RELN: variants seen among roughly 807,000 people sequenced by gnomAD.
RELN encodes reelin.
Under a neutral mutation model 427.6 loss-of-function variants are expected in RELN, and 108 were observed. The observed-to-expected ratio is 0.25, with a 90% CI of 0.22 to 0.30. The LOEUF (loss-of-function observed/expected upper bound fraction) is 0.30. RELN is among the 10% of genes least tolerant of loss of function. The pLI is 1.00. For synonymous variants in RELN, 1,524 were observed against 1,513.4 expected (o/e 1.01, Z -0.16); for missense variants, 3,715 against 4,302.8 (o/e 0.86, Z 3.82).
intron 3 of RELN, among the ~76,000 whole-genome samples, chr7:103,808,624 A>G (rs1166728978): frequency 6.6e-6 from 1 of 152,052 alleles, no homozygotes; most frequent in East Asian, 1.9e-4. Flanking sequence ...AGAAGTTAAA[A>G]TATTTCTATG....
intron 1 of RELN, among the ~76,000 whole-genome samples, chr7:103,942,304 G>A (rs1382842875): frequency 2.6e-5 from 4 of 152,138 alleles, no homozygotes; most frequent in East Asian, 1.9e-4. Flanking sequence ...CACCCTCCCC[G>A]ACAATCCCTT....
intron 4 of RELN, among the ~76,000 whole-genome samples, chr7:103,761,421 A>G (rs1367805110): frequency 6.6e-6 from 1 of 152,168 alleles, no homozygotes; most frequent in African/African-American, 2.4e-5. Context: ...ATGCAAAACA[A>G]TATCATTTGA....
In RELN at chr7:103,773,425, C is replaced by CG. The variant is rs1791652364; in HGVS notation, c.544+3131_544+3132insC. 7.1e-5 allele frequency among the ~76,000 whole-genome samples: 6 copies of CG among 84,998 alleles called. 1 individual carries two copies. The highest frequency in any genetic ancestry group is 6.6e-5 in the Non-Finnish European group (3 of 45,314). 55.8% of individuals were successfully genotyped at this position (84,998 alleles called of 152,430 possible). A position where few individuals can be genotyped will look rare whatever the true frequency, so the allele number is the denominator to read the frequency against. On this transcript the variant is annotated intron_variant, in intron 4 of 64. Transcript: ENST00000428762. ...TGTCTCTCTCTCTCTCTCCCTCGCT[C>CG]CCTCTCTCTCTCTCTCTCTCCCTCG...
chr7:103,770,204 C>T (rs754151826), intron 4 of RELN, among the ~76,000 whole-genome samples: 3 of 152,136 alleles, frequency 2.0e-5, no homozygotes, highest in African/African-American at 4.8e-5. Flanking sequence ...CCTGCCTCAG[C>T]GTCCTGAATA....
chr7:103,883,386 CCTCT>C (rs1433350634), intron 2 of RELN, among the ~76,000 whole-genome samples: 1 of 152,160 alleles, frequency 6.6e-6, no homozygotes, highest in Non-Finnish European at 1.5e-5. Flanking sequence ...ACAAGGATGC[CCTCT>C]CTCACCACTC....
intron 21 of RELN, 56 bp downstream of exon 21, chr7:103,611,555 T>G (rs995653376): frequency 1.1e-5 from 15 of 1,339,244 alleles, no homozygotes; most frequent in Admixed American, 2.0e-5. Flanking sequence ...TTTTTTGGCT[T>G]CCTAGGTAAA....
chr7:103,785,344 G>A (rs1305347205), intron 3 of RELN, among the ~76,000 whole-genome samples: 1 of 152,122 alleles, frequency 6.6e-6, no homozygotes, highest in Non-Finnish European at 1.5e-5. Context: ...AAAATGGCAT[G>A]TCAATTCCAA....
chr7:103,491,838 TC>T (rs1828665580), intron 58 of RELN, 114 bp downstream of exon 58: 1 of 603,554 alleles, frequency 1.7e-6, no homozygotes, highest in African/African-American at 2.6e-5. Context: ...TCTCTCTCTC[TC>T]TCTCTCTCTC....
At chr7:103,884,676 GA>G (rs2116571510) in intron 2 of RELN, among the ~76,000 whole-genome samples, 1 of 152,210 alleles carries the variant, frequency 6.6e-6, no homozygotes, top group Non-Finnish European at 1.5e-5. Flanking sequence ...ACAAAAATAT[GA>G]AAAAAAGCTC....
At chr7:103,473,674 A>C (rs564019059) in intron 64 of RELN, among the ~76,000 whole-genome samples, 12 of 152,332 alleles carry the variant, frequency 7.9e-5, no homozygotes, top group African/African-American at 2.9e-4. Context: ...AAAATACTGA[A>C]GATGGATTTC....
At chr7:103,952,175 C>A (rs1006673989) in intron 1 of RELN, among the ~76,000 whole-genome samples, 2 of 152,082 alleles carry the variant, frequency 1.3e-5, no homozygotes, top group African/African-American at 4.8e-5. Context: ...TGCTGTCATT[C>A]CATTTTGTTT....
intron 4 of RELN, among the ~76,000 whole-genome samples, chr7:103,773,458 CCTCT>C (rs767597344): frequency 8.4e-4 from 102 of 120,830 alleles, no homozygotes; most frequent in African/African-American, 2.2e-3. Flanking sequence ...TCGCTCCCTC[CCTCT>C]CTCTCTCTCT....
rs1195522074 is a variant in RELN, at chr7:103,728,131, G to T, written c.733C>A (p.Pro245Thr). ...CTTACCAGTTCTCGTGGGCCATATGGTTCACAGAAGGTGACGGCATTGCCA... is the reference window on the plus strand; with the variant it reads ...CTTACCAGTTCTCGTGGGCCATATGTTTCACAGAAGGTGACGGCATTGCCA... ...MHGNAVTFCE[P>T]YGPRELITTG... Residue 245 changes from proline (P) to threonine (T), a missense_variant, in exon 7 of 65, where the codon CCA becomes ACA. Pro to Thr is a conservative substitution (Grantham distance 38, BLOSUM62 -1). This residue lies in a region of RELN where 2,208 missense variants were observed against 2,361.7 expected (regional missense o/e 0.93). Transcript: ENST00000428762. 6.2e-7 allele frequency: 1 copy of T among 1,613,824 alleles called. No individual in the cohort carries two copies. The highest frequency in any genetic ancestry group is 8.5e-7 in the Non-Finnish European group (1 of 1,179,880).
intron 60 of RELN, 119 bp from the exon 61 acceptor site, chr7:103,486,535 G>T (rs560292868): frequency 7.6e-6 from 6 of 793,956 alleles, no homozygotes; most frequent in Admixed American, 4.2e-5. Context: ...CAAAATACAA[G>T]GAACTTAAAC....
chr7:103,567,188 G>A (rs763542953), intron 31 of RELN, among the ~76,000 whole-genome samples: 5 of 152,204 alleles, frequency 3.3e-5, no homozygotes, highest in African/African-American at 4.8e-5. Context: ...AGTAAGCACC[G>A]CCTGGTATGA....
intron 11 of RELN, among the ~76,000 whole-genome samples, chr7:103,665,621 C>G (rs1326682951): frequency 6.6e-6 from 1 of 151,838 alleles, no homozygotes; most frequent in South Asian, 2.1e-4. Context: ...TGTAAATAAT[C>G]TTTCTTTCTC....
intron 10 of RELN, among the ~76,000 whole-genome samples, chr7:103,689,869 T>C (rs553571549): frequency 3.4e-4 from 52 of 152,136 alleles, no homozygotes; most frequent in Non-Finnish European, 4.3e-4. Flanking sequence ...TGTTTTTCTT[T>C]CAACTTAAAA....
intron 11 of RELN, among the ~76,000 whole-genome samples, chr7:103,677,844 C>G (rs1833571624): frequency 6.6e-6 from 1 of 151,508 alleles, no homozygotes; most frequent in African/African-American, 2.4e-5. Flanking sequence ...TAGCCCCACC[C>G]TGATTCCTTC....
intron 20 of RELN, among the ~76,000 whole-genome samples, chr7:103,624,607 T>C (rs1215327469): frequency 6.6e-6 from 1 of 152,178 alleles, no homozygotes; most frequent in African/African-American, 2.4e-5. Flanking sequence ...TTTGTATTTT[T>C]AGTAGAGACG....
Sources: allele counts gnomAD v4.1 joint callset (sites outside exome capture counted in the v4.1 genomes callset), GRCh38; gene constraint gnomAD v4.1.1; regional missense constraint gnomAD v4.1.1; transcripts MANE v1.5; gene names NCBI Gene and HGNC (gene_info 2026-07-23, HGNC 2026-07-21).